UIMC1: variants seen among roughly 807,000 people sequenced by gnomAD.
UIMC1 encodes the protein BRCA1-A complex subunit RAP80.
UIMC1 carries 42 observed loss-of-function variants against 84.9 expected under a neutral mutation model. That is an observed-to-expected ratio of 0.49 (90% confidence interval 0.39 to 0.64). The LOEUF (loss-of-function observed/expected upper bound fraction) is 0.64. Ranked by LOEUF, UIMC1 falls within the 30% of genes least tolerant of loss-of-function variation. The probability of loss-of-function intolerance (pLI) is 0.00; values close to 1 mark genes in which losing one functional copy is unlikely to be tolerated. For synonymous variants in UIMC1, 281 were observed against 293.0 expected, an observed-to-expected ratio of 0.96 and a Z score of 0.42; for missense variants, 825 against 847.6, an observed-to-expected ratio of 0.97 and a Z score of 0.33.
chr5:177,002,543 T>C (rs1774680325), intron 1 of UIMC1, among the ~76,000 whole-genome samples: 1 of 152,194 alleles, frequency 6.6e-6, no homozygotes, highest in Admixed American at 6.5e-5. Flanking sequence ...GGCTCACGCC[T>C]GTAATCCCAG....
At chr5:176,968,501 CT>C (rs1768667719) in intron 6 of UIMC1, 53 bp downstream of exon 6, 10 of 1,528,866 alleles carry the variant, frequency 6.5e-6, no homozygotes, top group Non-Finnish European at 8.8e-6. Context: ...TAAAATAATC[CT>C]TGTTTTAATC....
rs1581742821 is a variant in UIMC1 at position 177,018,948 on chromosome 5, G to A, written c.-9+3516C>T. 3.3e-5 allele frequency among the ~76,000 whole-genome samples: 5 copies of A among 152,142 alleles called. No individual in the cohort carries two copies. In the South Asian group the frequency reaches 8.3e-4, roughly 25 times the overall value. On this transcript the variant is annotated intron_variant, in intron 1 of 5. Transcript: ENST00000509236. Reference sequence around the variant, plus strand: ...ATATCCTTGTGGGTTCTGCGACTTCGACAAAAATCCCCTGTATCCCTTGGA... The same window carrying A: ...ATATCCTTGTGGGTTCTGCGACTTCAACAAAAATCCCCTGTATCCCTTGGA...
At chr5:176,970,599 C>T (rs760807380) in intron 4 of UIMC1, 143 bp downstream of exon 4, 2 of 1,346,084 alleles carry the variant, frequency 1.5e-6, no homozygotes, top group African/African-American at 2.9e-5. Context: ...TCAACACAGA[C>T]TTTAAAAAAT....
chr5:176,977,241 A>AAAAAAAAG lies in UIMC1; in HGVS notation c.148-1762_148-1761insCTTTTTTT, dbSNP rs758737146. Among the ~76,000 whole-genome samples, 957 of 147,032 alleles carry AAAAAAAAG rather than the reference A, an allele frequency of 6.5e-3. 3 individuals are homozygous for AAAAAAAAG. Among genetic ancestry groups the AAAAAAAAG allele is most frequent in the South Asian group, 0.019 (88 of 4,676 alleles). On this transcript the variant is annotated intron_variant, in intron 2 of 14. Transcript: ENST00000511320. Reference sequence around the variant, plus strand: ...TCTGTCTCAAAAAAAAAAAAAAAAAAGAGAGAGAGAGAAATAAGACAAATC... The same window carrying AAAAAAAAG: ...TCTGTCTCAAAAAAAAAAAAAAAAAAAAAAAAAGGAGAGAGAGAGAAATAAGACAAATC...
At chr5:176,919,219 C>A in intron 10 of UIMC1, 1 of 376,688 alleles carries the variant, frequency 2.7e-6, no homozygotes, top group Non-Finnish European at 5.1e-6. Flanking sequence ...GCAGAGGCTG[C>A]AGCGAGCCAA....
At chr5:176,910,053 AGAAGCT>A (rs1759918168) in intron 11 of UIMC1, among the ~76,000 whole-genome samples, 1 of 152,256 alleles carries the variant, frequency 6.6e-6, no homozygotes, top group Admixed American at 6.5e-5. Flanking sequence ...ACATTTTATT[AGAAGCT>A]GGGGATATAA....
intron 7 of UIMC1, among the ~76,000 whole-genome samples, chr5:176,957,098 C>A (rs1766704143): frequency 6.6e-6 from 1 of 152,118 alleles, no homozygotes; most frequent in African/African-American, 2.4e-5. Context: ...CTGCACAAGG[C>A]TCACCACAAT....
At chr5:176,969,488 CTTT>C in intron 5 of UIMC1, 110 bp downstream of exon 5, 4 of 1,296,772 alleles carry the variant, frequency 3.1e-6, no homozygotes, top group Non-Finnish European at 4.3e-6. Context: ...GATTTAACTT[CTTT>C]ATTATCACCA....
At chr5:177,018,103 C>A (rs755784083) in intron 1 of UIMC1, among the ~76,000 whole-genome samples, 3 of 152,062 alleles carry the variant, frequency 2.0e-5, no homozygotes, top group Non-Finnish European at 4.4e-5. Flanking sequence ...GTAATCCCAG[C>A]ACTTTGGGAG....
At chr5:176,973,800 G>A (rs1330375651) in intron 3 of UIMC1, among the ~76,000 whole-genome samples, 4 of 151,990 alleles carry the variant, frequency 2.6e-5, no homozygotes, top group Non-Finnish European at 5.9e-5. Context: ...CTACTTGGGA[G>A]GCTGAGATGA....
chr5:176,997,734 A>G (rs961939802), intron 1 of UIMC1, among the ~76,000 whole-genome samples: 3 of 149,480 alleles, frequency 2.0e-5, no homozygotes, highest in African/African-American at 7.3e-5. Context: ...CACTATTTTT[A>G]TAGTTAGGAC....
chr5:177,003,305 G>A (rs1419518859), intron 1 of UIMC1, among the ~76,000 whole-genome samples: 7 of 152,220 alleles, frequency 4.6e-5, no homozygotes, highest in East Asian at 1.9e-4. Context: ...AACATACTTT[G>A]AGTAGTAATT....
intron 10 of UIMC1, among the ~76,000 whole-genome samples, chr5:176,916,623 G>A (rs1761009164): frequency 6.6e-6 from 1 of 152,192 alleles, no homozygotes; most frequent in African/African-American, 2.4e-5. Context: ...GATACTGTAA[G>A]AGTATCCAGC....
chr5:176,982,708 T>C, intron 1 of UIMC1, 85 bp from the exon 2 acceptor site: 1 of 1,442,526 alleles, frequency 6.9e-7, no homozygotes, highest in South Asian at 1.3e-5. Flanking sequence ...CTATTCAACT[T>C]AGTCTTTTTT....
chr5:176,906,383 G>C (rs1003838425), intron 13 of UIMC1, among the ~76,000 whole-genome samples: 3 of 152,200 alleles, frequency 2.0e-5, no homozygotes, highest in African/African-American at 7.2e-5. Context: ...GAGGCTGGGA[G>C]AGGCTGCCTT....
At chr5:176,973,174 C>T (rs1769532642) in intron 3 of UIMC1, among the ~76,000 whole-genome samples, 1 of 151,944 alleles carries the variant, frequency 6.6e-6, no homozygotes, top group Non-Finnish European at 1.5e-5. Context: ...CCTCGGCCTC[C>T]CAAAGTGCTG....
At chr5:176,918,893 A>G (rs571322085) in intron 10 of UIMC1, among the ~76,000 whole-genome samples, 1 of 152,290 alleles carries the variant, frequency 6.6e-6, no homozygotes, top group East Asian at 1.9e-4. Context: ...CAGGAACAAA[A>G]ACACATACAA....
intron 1 of UIMC1, among the ~76,000 whole-genome samples, chr5:177,003,199 C>CCACA (rs148561079): frequency 2.0e-5 from 3 of 151,238 alleles, no homozygotes; most frequent in Non-Finnish European, 4.4e-5. Flanking sequence ...AAATGCATAC[C>CCACA]CACACACACA....
intron 6 of UIMC1, among the ~76,000 whole-genome samples, chr5:176,965,655 T>C (rs1027407404): frequency 3.9e-5 from 6 of 152,188 alleles, no homozygotes; most frequent in African/African-American, 1.4e-4. Context: ...CTTAATTCAG[T>C]TTACTGCAGC....
Sources: gnomAD v4.1 joint callset for allele counts (sites outside exome capture counted in the v4.1 genomes callset) on GRCh38, gnomAD v4.1.1 for gene constraint, MANE v1.5 for transcripts, NCBI Gene and HGNC (gene_info 2026-07-23, HGNC 2026-07-21) for gene names.